The following USP9X variants were observed in gnomAD, a reference collection of about 807,000 sequenced individuals.
USP9X encodes ubiquitin carboxyl-terminal hydrolase 9X.
In USP9X, 7 loss-of-function variants were observed where a neutral mutation model predicts 190.3. The observed-to-expected ratio is 0.04, with a 90% CI of 0.02 to 0.07. The LOEUF is 0.07. USP9X is among the 10% of genes least tolerant of loss of function. The probability of loss-of-function intolerance (pLI) is 1.00; values close to 1 mark genes in which losing one functional copy is unlikely to be tolerated. For synonymous variants in USP9X, 645 were observed against 659.5 expected, an observed-to-expected ratio of 0.98 and a Z score of 0.34; for missense variants, 1,010 against 1,916.9, an observed-to-expected ratio of 0.53 and a Z score of 8.83.
intron 38 of USP9X, among the ~76,000 whole-genome samples, chrX:41,220,092 A>C (rs906645521): frequency 9.0e-6 from 1 of 111,489 alleles, no homozygotes; most frequent in African/African-American, 3.3e-5. Context: ...TCACCATTGG[A>C]TCCATGGCCC....
intron 21 of USP9X, among the ~76,000 whole-genome samples, chrX:41,176,086 G>T (rs1351273377): frequency 2.7e-5 from 3 of 110,754 alleles, no homozygotes; most frequent in African/African-American, 9.9e-5. Context: ...GAAAAACCTG[G>T]CTTCTGTTAT....
chrX:41,184,441 T>A lies in USP9X; in HGVS notation c.3324T>A (p.Asp1108Glu). 8.3e-7 allele frequency: 1 copy of A among 1,211,404 alleles called. No homozygotes were observed. ...TGCCTGCTGGTGCACCTCTGGCTGATGATTCCTCTGATTTTCAGTTTCACT... is the reference window on the plus strand; with the variant it reads ...TGCCTGCTGGTGCACCTCTGGCTGAAGATTCCTCTGATTTTCAGTTTCACT... ...LLMPAGAPLA[D>E]DSSDFQFHFL... is the part of the protein sequence containing the mutation. The change falls in exon 23 of 45, where the codon GAT (aspartate) becomes GAA (glutamate). Residue 1108 changes from aspartate (D) to glutamate (E), a missense_variant. This residue lies in a region of USP9X where 351 missense variants were observed against 480.8 expected (regional missense o/e 0.73). Transcript: ENST00000378308.
intron 25 of USP9X, among the ~76,000 whole-genome samples, chrX:41,189,101 T>A (rs758947404): frequency 8.9e-6 from 1 of 112,203 alleles, no homozygotes; most frequent in Non-Finnish European, 1.9e-5. Flanking sequence ...CCTGAAGACA[T>A]AGGAAAATAA....
rs1007809355 is a variant in USP9X, at chrX:41,178,979, C to G, written c.3149-5019C>G. Reference sequence around the variant, plus strand: ...TTTTATTCAAGAGATTGCCTTTTCCCCCAATGTGTGTTCTTGGCACCTTTG... The same window carrying G: ...TTTTATTCAAGAGATTGCCTTTTCCGCCAATGTGTGTTCTTGGCACCTTTG... On this transcript the variant is annotated intron_variant, in intron 21 of 44. Coordinates refer to ENST00000378308, the MANE Select transcript of USP9X (RefSeq NM_001039591.3). 2.7e-5 allele frequency among the ~76,000 whole-genome samples: 3 copies of G among 111,889 alleles called. No individual in the cohort carries two copies. The South Asian group carries it at 1.1e-3, about 41-fold the overall frequency.
At chrX:41,088,977 C>CAA (rs112557034) in intron 1 of USP9X, among the ~76,000 whole-genome samples, 1 of 110,695 alleles carries the variant, frequency 9.0e-6, no homozygotes, top group Non-Finnish European at 1.9e-5. Flanking sequence ...ACAACCACAA[C>CAA]AAAAAAACTG....
Position 41,144,519 on chromosome X carries a change from T to C in USP9X, c.1315-3T>C, listed in dbSNP as rs1057092800. On this transcript the variant is annotated splice_polypyrimidine_tract_variant and splice_region_variant and intron_variant, in intron 10 of 44. Coordinates refer to ENST00000378308, the MANE Select transcript of USP9X (RefSeq NM_001039591.3). ...TTGTGATTTCGTTTTTGTTTTTCAA[T>C]AGGCAGGGAAACATGAAGCCATTGT... is the stretch of plus-strand genomic sequence containing the variant. 3 of 1,205,590 alleles carry C rather than the reference T, an allele frequency of 2.5e-6. No homozygotes were observed. In the African/African-American group the frequency reaches 5.3e-5, roughly 21 times the overall value.
Position 41,225,069 on chromosome X carries a change from T to C in USP9X, c.6993T>C (p.Tyr2331=), listed in dbSNP as rs890557275. The change falls in exon 41 of 45, where the codon TAT becomes TAC. Residue 2331 remains tyrosine (Y), a synonymous_variant. Transcript: ENST00000378308. ...TTTAGGTTGCATATTCCTATACCTATGAACTGCGGCCCTATTTGGATCTGC... is the reference window on the plus strand; with the variant it reads ...TTTAGGTTGCATATTCCTATACCTACGAACTGCGGCCCTATTTGGATCTGC... ...LLWQVAYSYT[Y]ELRPYLDLLL... is the part of the protein sequence containing the mutation. 1.7e-6 allele frequency: 2 copies of C among 1,210,493 alleles called. No individual in the cohort carries two copies. Among genetic ancestry groups the C allele is most frequent in the African/African-American group, 3.5e-5 (2 of 57,346 alleles).
chrX:41,196,221 G>A (rs747927439), intron 26 of USP9X, 30 bp from the exon 27 acceptor site: 3 of 1,191,682 alleles, frequency 2.5e-6, no homozygotes, highest in East Asian at 3.0e-5. Flanking sequence ...TGGAAATAAT[G>A]TATTAAATGT....
intron 33 of USP9X, 25 bp downstream of exon 33, chrX:41,210,707 G>A: frequency 8.3e-7 from 1 of 1,197,625 alleles, no homozygotes; most frequent in Non-Finnish European, 1.1e-6. Flanking sequence ...CACATTGAAA[G>A]TATATGTTGT....
In USP9X at chrX:41,233,579, G is replaced by C. The variant is rs2063379606; in HGVS notation, c.*1055G>C. On this transcript the variant is annotated 3_prime_UTR_variant, in exon 45 of 45. Transcript: ENST00000378308. ...TCTGTTGGATCCCAGTGACGTGGAA[G>C]TCATCAGAACCCCACGGTACTTGGA... is the stretch of plus-strand genomic sequence containing the variant. The C allele has an allele frequency of 8.9e-6, 1 of 112,114 alleles. No individual in the cohort carries two copies. Among genetic ancestry groups the C allele is most frequent in the African/African-American group, 3.2e-5 (1 of 30,811 alleles). 9.2% of individuals were successfully genotyped at this position (112,114 alleles called of 1,213,427 possible).
chrX:41,225,827 C>T (rs1014807754), intron 41 of USP9X, among the ~76,000 whole-genome samples: 2 of 112,840 alleles, frequency 1.8e-5, no homozygotes, highest in Admixed American at 9.4e-5. Context: ...GCATAAGGCA[C>T]ATCACAGCCT....
chrX:41,205,214 T>C, intron 31 of USP9X, 89 bp from the exon 32 acceptor site: 1 of 720,241 alleles, frequency 1.4e-6, no homozygotes, highest in Non-Finnish European at 2.0e-6. Context: ...ATAATAGGAA[T>C]ACAAATCATT....
At position 41,224,982 on chromosome X, in the gene USP9X, T is replaced by G; in HGVS notation, c.6972+20T>G. On this transcript the variant is annotated intron_variant, in intron 40 of 44. Coordinates refer to ENST00000378308, the MANE Select transcript of USP9X (RefSeq NM_001039591.3). ...TGGCAGGTAAAAGGAAAATAACATT[T>G]GTATGTTTATAATTTGATTTGTTAT... The G allele has an allele frequency of 8.3e-7, 1 of 1,209,116 alleles. No homozygotes were observed. The highest frequency in any genetic ancestry group is 2.2e-5 in the Admixed American group (1 of 45,993).
rs1351158941 is a variant in USP9X at position 41,205,299 on chromosome X, C to T, written c.4825-4C>T. 2 of 1,156,666 alleles carry T rather than the reference C, an allele frequency of 1.7e-6. No homozygotes were observed. Among genetic ancestry groups the T allele is most frequent in the Admixed American group, 2.6e-5 (1 of 38,238 alleles). The stretch of plus-strand genomic sequence containing the variant: ...GCTCATTGGTGACATTTTTTGGTTT[C>T]TAGAGCAATGTTGATCCCAGGGATG... On this transcript the variant is annotated splice_region_variant and splice_polypyrimidine_tract_variant and intron_variant, in intron 31 of 44. Transcript: ENST00000378308.
chrX:41,187,949 A>G lies in USP9X; in HGVS notation c.3685-43A>G, dbSNP rs994491753. 7.7e-6 allele frequency: 9 copies of G among 1,163,025 alleles called. No individual in the cohort carries two copies. The Admixed American group carries it at 1.2e-4, about 16-fold the overall frequency. ...TTTTTGTTTTTCTAAACATAATTTCACTCTCATTCTATCAACAGTTCTATT... is the reference window on the plus strand; with the variant it reads ...TTTTTGTTTTTCTAAACATAATTTCGCTCTCATTCTATCAACAGTTCTATT... On this transcript the variant is annotated intron_variant, in intron 24 of 44. Transcript: ENST00000378308.
chrX:41,103,178 C>T (rs1329029644), intron 1 of USP9X, among the ~76,000 whole-genome samples: 1 of 112,578 alleles, frequency 8.9e-6, no homozygotes, highest in Non-Finnish European at 1.9e-5. Context: ...TTTGATGTGA[C>T]TTATGTCTAA....
chrX:41,169,074 GTTGATGCT>G (rs2062702598), intron 18 of USP9X, among the ~76,000 whole-genome samples: 1 of 111,093 alleles, frequency 9.0e-6, no homozygotes, highest in African/African-American at 3.3e-5. Flanking sequence ...TGGCATTTTT[GTTGATGCT>G]TTTAACAAAA....
intron 1 of USP9X, among the ~76,000 whole-genome samples, chrX:41,095,860 A>AT (rs974638307): frequency 1.8e-5 from 2 of 111,602 alleles, no homozygotes; most frequent in African/African-American, 6.5e-5. Context: ...TTGAGATGGT[A>AT]TTTTAACCGT....
At chrX:41,102,434 A>T (rs1410338345) in intron 1 of USP9X, among the ~76,000 whole-genome samples, 1 of 110,680 alleles carries the variant, frequency 9.0e-6, no homozygotes, top group Non-Finnish European at 1.9e-5. Context: ...CCTGGCCAAC[A>T]TAGGGAAAAC....
Sources: gnomAD v4.1 joint callset for allele counts (sites outside exome capture counted in the v4.1 genomes callset) on GRCh38, gnomAD v4.1.1 for gene constraint, gnomAD v4.1.1 regional missense constraint, MANE v1.5 for transcripts, NCBI Gene and HGNC (gene_info 2026-07-23, HGNC 2026-07-21) for gene names.